GARNL3: variants seen among roughly 807,000 people sequenced by gnomAD.
GARNL3 encodes the protein GTPase activating Rap/RanGAP domain like 3.
Under a neutral mutation model 125.0 loss-of-function variants are expected in GARNL3, and 63 were observed. The observed-to-expected ratio is 0.50, with a 90% confidence interval of 0.41 to 0.62. GARNL3 has a LOEUF of 0.62. GARNL3 is among the 20% of genes least tolerant of loss of function. The pLI is 0.00. For synonymous variants in GARNL3, 439 were observed against 457.5 expected, an observed-to-expected ratio of 0.96 and a Z score of 0.52; for missense variants, 994 against 1,244.0, an observed-to-expected ratio of 0.80 and a Z score of 3.02.
chr9:127,276,205 C>T (rs1483921752), intron 1 of GARNL3, among the ~76,000 whole-genome samples: 1 of 151,356 alleles, frequency 6.6e-6, no homozygotes, highest in Admixed American at 6.6e-5. Context: ...CCAGGCTGAT[C>T]TCGGACTCCT....
chr9:127,311,840 A>G, intron 3 of GARNL3, 105 bp downstream of exon 3: 1 of 715,396 alleles, frequency 1.4e-6, no homozygotes, highest in Non-Finnish European at 2.4e-6. Flanking sequence ...CCATTTTAGG[A>G]ACACTAACAT....
rs192480345 is a variant in GARNL3 at position 127,297,296 on chromosome 9, G to A, written c.219+6054G>A. Among the ~76,000 whole-genome samples the A allele has an allele frequency of 4.6e-3, 695 of 152,100 alleles. 4 individuals are homozygous for A. Among genetic ancestry groups the A allele is most frequent in the Middle Eastern group, 6.8e-3 (2 of 292 alleles). On this transcript the variant is annotated intron_variant, in intron 2 of 27. Coordinates refer to ENST00000373387, the MANE Select transcript of GARNL3 (RefSeq NM_032293.5). ...TGGGCCTACAGGCGCAGGCCACCAC[G>A]TCTGGCTAATATTTGTATTTTTTGT...
chr9:127,238,274 A>G (rs1404976854), intron 1 of GARNL3, among the ~76,000 whole-genome samples: 2 of 152,170 alleles, frequency 1.3e-5, no homozygotes, highest in African/African-American at 4.8e-5. Context: ...AGACCTCTTA[A>G]TTAGGCCTCA....
chr9:127,264,265 G>C, upstream of GARNL3: 1 of 290,620 alleles, frequency 3.4e-6, no homozygotes, highest in Non-Finnish European at 6.2e-6. Flanking sequence ...TAACAATTTT[G>C]CCCTTGTTTT....
chr9:127,325,230 G>A (rs933649817), intron 7 of GARNL3, 135 bp downstream of exon 7: 26 of 753,772 alleles, frequency 3.4e-5, no homozygotes, highest in East Asian at 1.1e-4. Flanking sequence ...CACATTGCGC[G>A]GAAAGAACTT....
chr9:127,305,965 C>G (rs968949581), intron 2 of GARNL3, among the ~76,000 whole-genome samples: 9 of 152,096 alleles, frequency 5.9e-5, no homozygotes, highest in Non-Finnish European at 1.0e-4. Context: ...ATGCCAGTGC[C>G]TCTGGAGTCC....
chr9:127,297,382 G>T (rs577238156), intron 2 of GARNL3, among the ~76,000 whole-genome samples: 1 of 152,094 alleles, frequency 6.6e-6, no homozygotes, highest in Non-Finnish European at 1.5e-5. Context: ...CAAGTAATTC[G>T]CCCACCTCAG....
Position 127,265,033 on chromosome 9 carries a change from C to A in GARNL3, c.144+12C>A. The A allele has an allele frequency of 1.2e-6, 2 of 1,608,942 alleles. No individual in the cohort carries two copies. The highest frequency in any genetic ancestry group is 1.7e-6 in the Non-Finnish European group (2 of 1,176,846). On this transcript the variant is annotated intron_variant, in intron 1 of 27. Transcript: ENST00000373387. ...GATCTGTGGAGCTGGTAAGTTTATGCTGTCTGTTCAGTGGTAGTACATTGA... is the reference window on the plus strand; with the variant it reads ...GATCTGTGGAGCTGGTAAGTTTATGATGTCTGTTCAGTGGTAGTACATTGA...
chr9:127,271,454 G>A (rs1228275536), intron 1 of GARNL3, among the ~76,000 whole-genome samples: 1 of 150,268 alleles, frequency 6.7e-6, no homozygotes, highest in Non-Finnish European at 1.5e-5. Flanking sequence ...AAGCCTCTTT[G>A]ATTCCCCCCT....
rs549618832 is a variant in GARNL3 at position 127,254,053 on chromosome 9, C to T, written c.143+10804C>T. Among the ~76,000 whole-genome samples the T allele has an allele frequency of 7.2e-5, 11 of 152,220 alleles. No individual in the cohort carries two copies. In the East Asian group the frequency reaches 2.1e-3, roughly 29 times the overall value. On this transcript the variant is annotated intron_variant, in intron 2 of 10. Transcript: ENST00000439286. ...TTCATGGGATTTTGTAGAAAAGATA[C>T]CTTTCATTGGCATCTGGTGGGTGGG...
intron 1 of GARNL3, among the ~76,000 whole-genome samples, chr9:127,231,231 T>A (rs920997940): frequency 2.8e-4 from 38 of 136,814 alleles, no homozygotes; most frequent in African/African-American, 9.8e-4. Context: ...ATTTTTTGTT[T>A]TTTTTTTTTT....
intron 2 of GARNL3, among the ~76,000 whole-genome samples, chr9:127,250,686 A>G (rs938796417): frequency 6.6e-6 from 1 of 152,098 alleles, no homozygotes; most frequent in Non-Finnish European, 1.5e-5. Context: ...CACAGTCGAG[A>G]TTTTCAGGGA....
intron 21 of GARNL3, among the ~76,000 whole-genome samples, chr9:127,357,782 TAA>T (rs59319315): frequency 5.8e-4 from 86 of 147,152 alleles, no homozygotes; most frequent in Non-Finnish European, 4.2e-4. Flanking sequence ...TATTTAAAAT[TAA>T]AAAAAAAAAA....
At chr9:127,320,469 G>A (rs1477720445) in intron 5 of GARNL3, among the ~76,000 whole-genome samples, 1 of 152,178 alleles carries the variant, frequency 6.6e-6, no homozygotes, top group Non-Finnish European at 1.5e-5. Flanking sequence ...TAGAAGAATA[G>A]CCAAGGTTAC....
chr9:127,318,199 T>C, intron 5 of GARNL3, 72 bp downstream of exon 5: 1 of 910,596 alleles, frequency 1.1e-6, no homozygotes, highest in East Asian at 2.4e-5. Flanking sequence ...CCTGTGATCA[T>C]TCTGATGTTA....
intron 16 of GARNL3, among the ~76,000 whole-genome samples, chr9:127,347,758 CA>C (rs757961468): frequency 6.6e-6 from 1 of 152,192 alleles, no homozygotes; most frequent in Non-Finnish European, 1.5e-5. Flanking sequence ...AACGTCATTT[CA>C]ATTAATGACC....
At chr9:127,250,308 T>G (rs2063378004) in intron 2 of GARNL3, among the ~76,000 whole-genome samples, 1 of 152,196 alleles carries the variant, frequency 6.6e-6, no homozygotes, top group Admixed American at 6.5e-5. Context: ...GAATGTGTTA[T>G]CTCTTCAAAT....
At chr9:127,379,763 A>G (rs1293806914) in intron 22 of GARNL3, among the ~76,000 whole-genome samples, 1 of 152,252 alleles carries the variant, frequency 6.6e-6, no homozygotes, top group Non-Finnish European at 1.5e-5. Context: ...AATGCATAGA[A>G]GAAAATATAC....
chr9:127,294,995 T>C (rs2779726), intron 2 of GARNL3, among the ~76,000 whole-genome samples: 148,744 of 152,364 alleles, frequency 0.98, 72,640 homozygotes, highest in East Asian at 1. Context: ...AAAGCCCTTA[T>C]CAGCGACAGC....
Sources: allele counts gnomAD v4.1 joint callset (sites outside exome capture counted in the v4.1 genomes callset), GRCh38; gene constraint gnomAD v4.1.1; transcripts MANE v1.5; gene names NCBI Gene and HGNC (gene_info 2026-07-23, HGNC 2026-07-21).